NCAM2: variants seen among roughly 807,000 people sequenced by gnomAD.
NCAM2 encodes N-CAM-2.
Under a neutral mutation model 98.1 loss-of-function variants are expected in NCAM2, and 30 were observed. The ratio of observed to expected loss-of-function variants is 0.31; its 90% CI spans 0.23 to 0.41. The LOEUF (loss-of-function observed/expected upper bound fraction) is 0.41. NCAM2 is among the 10% of genes least tolerant of loss of function. NCAM2 has a pLI of 1.00. For synonymous variants in NCAM2, 368 were observed against 342.4 expected (o/e 1.07, Z -0.83); for missense variants, 867 against 1,005.8 (o/e 0.86, Z 1.87).
At chr21:21,125,610 TATA>T (rs1362821148) in intron 1 of NCAM2, among the ~76,000 whole-genome samples, 18 of 130,552 alleles carry the variant, frequency 1.4e-4, no homozygotes, top group Admixed American at 2.7e-4. Context: ...TATATAAATA[TATA>T]ATATGTTATA....
intron 1 of NCAM2, among the ~76,000 whole-genome samples, chr21:21,233,641 A>G (rs948295042): frequency 6.6e-6 from 1 of 151,740 alleles, no homozygotes; most frequent in Non-Finnish European, 1.5e-5. Flanking sequence ...ACTTGTTTTA[A>G]GGTATATTGT....
intron 14 of NCAM2, among the ~76,000 whole-genome samples, chr21:21,472,725 A>G (rs1272389524): frequency 6.6e-6 from 1 of 151,984 alleles, no homozygotes; most frequent in Non-Finnish European, 1.5e-5. Flanking sequence ...GTTTATAGAT[A>G]TGAGAACACA....
intron 15 of NCAM2, among the ~76,000 whole-genome samples, chr21:21,480,505 G>A (rs904713488): frequency 6.6e-6 from 1 of 152,066 alleles, no homozygotes; most frequent in Non-Finnish European, 1.5e-5. Context: ...ACAAGAAAGA[G>A]CATGATCTGT....
intron 1 of NCAM2, among the ~76,000 whole-genome samples, chr21:21,175,912 C>A (rs1033745861): frequency 6.6e-6 from 1 of 152,162 alleles, no homozygotes; most frequent in Non-Finnish European, 1.5e-5. Flanking sequence ...ATGTGTTTAA[C>A]CTTTTGTTTC....
chr21:21,447,522 T>A (rs1980364112), intron 12 of NCAM2, among the ~76,000 whole-genome samples: 1 of 151,984 alleles, frequency 6.6e-6, no homozygotes, highest in Non-Finnish European at 1.5e-5. Context: ...CCAAAAGCAA[T>A]TGCAACAAAA....
At chr21:21,067,545 A>G (rs191737262) in intron 1 of NCAM2, among the ~76,000 whole-genome samples, 1 of 152,292 alleles carries the variant, frequency 6.6e-6, no homozygotes, top group Admixed American at 6.5e-5. Flanking sequence ...CTTTGGGAGA[A>G]TGCACACTCT....
At chr21:21,409,570 C>G (rs937029204) in intron 9 of NCAM2, among the ~76,000 whole-genome samples, 11 of 152,026 alleles carry the variant, frequency 7.2e-5, no homozygotes, top group Non-Finnish European at 1.3e-4. Flanking sequence ...GAGGAAAGAA[C>G]CATTTATTAG....
At chr21:21,045,620 A>G (rs887362094) in intron 1 of NCAM2, among the ~76,000 whole-genome samples, 14 of 152,176 alleles carry the variant, frequency 9.2e-5, no homozygotes, top group Non-Finnish European at 1.9e-4. Flanking sequence ...ACTGCACTCC[A>G]GCCTGGGTGA....
At chr21:21,446,611 G>T (rs745912739) in intron 12 of NCAM2, among the ~76,000 whole-genome samples, 1 of 152,024 alleles carries the variant, frequency 6.6e-6, no homozygotes, top group Non-Finnish European at 1.5e-5. Flanking sequence ...AAGTCAAATT[G>T]TCTCTGTTTG....
rs75856924 is a variant in NCAM2 at position 21,510,852 on chromosome 21, C to G, written c.2282+1797C>G. ...GTACAGTTTAATAAATATTCACAAGCTGAGCATGCCCATTTTTAACGCTCA... is the reference window on the plus strand; with the variant it reads ...GTACAGTTTAATAAATATTCACAAGGTGAGCATGCCCATTTTTAACGCTCA... On this transcript the variant is annotated intron_variant, in intron 16 of 17. Transcript: ENST00000400546. 2.9e-3 allele frequency among the ~76,000 whole-genome samples: 435 copies of G among 152,066 alleles called. 2 individuals carry two copies. The highest frequency in any genetic ancestry group is 9.8e-3 in the African/African-American group (408 of 41,526).
intron 9 of NCAM2, among the ~76,000 whole-genome samples, chr21:21,385,365 A>G (rs1188442389): frequency 1.0e-5 from 1 of 95,610 alleles, no homozygotes; most frequent in Non-Finnish European, 2.4e-5. Flanking sequence ...ACATTACACA[A>G]TGTTAAACAC....
At chr21:21,226,217 C>A (rs1012344477) in intron 1 of NCAM2, among the ~76,000 whole-genome samples, 1 of 151,974 alleles carries the variant, frequency 6.6e-6, no homozygotes, top group Non-Finnish European at 1.5e-5. Context: ...ACGTGCACTA[C>A]TGGGACGACA....
At chr21:21,337,308 CAT>C (rs749281663) in intron 7 of NCAM2, among the ~76,000 whole-genome samples, 1 of 151,786 alleles carries the variant, frequency 6.6e-6, no homozygotes, top group Non-Finnish European at 1.5e-5. Flanking sequence ...GAAAATTTTA[CAT>C]GTTATGTTAT....
intron 16 of NCAM2, among the ~76,000 whole-genome samples, chr21:21,531,389 G>A (rs1989685506): frequency 6.6e-6 from 1 of 152,136 alleles, no homozygotes; most frequent in Non-Finnish European, 1.5e-5. Context: ...AGGTAACACT[G>A]ATTGAGTGTG....
chr21:21,326,394 A>G (rs1384953679), intron 6 of NCAM2, among the ~76,000 whole-genome samples: 1 of 152,164 alleles, frequency 6.6e-6, no homozygotes, highest in Non-Finnish European at 1.5e-5. Context: ...CAGAATAGTA[A>G]TTGTGAGACT....
chr21:21,453,049 A>G (rs1170982424), intron 12 of NCAM2, among the ~76,000 whole-genome samples: 3 of 124,320 alleles, frequency 2.4e-5, no homozygotes, highest in African/African-American at 9.3e-5. Flanking sequence ...ATATACATAT[A>G]TAAAAATATA....
intron 1 of NCAM2, among the ~76,000 whole-genome samples, chr21:21,070,083 T>C (rs1408149327): frequency 6.6e-6 from 1 of 152,140 alleles, no homozygotes; most frequent in African/African-American, 2.4e-5. Context: ...AAATAAATAG[T>C]AATGTCATTG....
At chr21:21,065,384 A>G (rs1294998278) in intron 1 of NCAM2, among the ~76,000 whole-genome samples, 3 of 152,068 alleles carry the variant, frequency 2.0e-5, no homozygotes, top group South Asian at 2.1e-4. Context: ...TATTGCTTGT[A>G]CTTATATCTG....
At chr21:21,067,659 T>C (rs1387310295) in intron 1 of NCAM2, among the ~76,000 whole-genome samples, 1 of 152,184 alleles carries the variant, frequency 6.6e-6, no homozygotes. Flanking sequence ...ACATAATCAT[T>C]CTACTTATAT....
Sources: allele counts gnomAD v4.1 joint callset (sites outside exome capture counted in the v4.1 genomes callset), GRCh38; gene constraint gnomAD v4.1.1; transcripts MANE v1.5; gene names NCBI Gene and HGNC (gene_info 2026-07-23, HGNC 2026-07-21).